Variants in TLE3 observed in about 807,000 individuals in gnomAD.
The protein encoded by TLE3 is transducin-like enhancer protein 3.
A neutral mutation model predicts 93.0 loss-of-function variants in TLE3; 14 were observed. The ratio of observed to expected loss-of-function variants is 0.15; its 90% confidence interval spans 0.10 to 0.24. The LOEUF is 0.24. TLE3 is among the 10% of genes least tolerant of loss of function. The pLI is 1.00. For missense variants in TLE3, 693 were observed against 1,046.6 expected (o/e 0.66, Z 4.66); for synonymous variants, 451 against 425.0 (o/e 1.06, Z -0.75).
chr15:70,066,167 C>A lies in TLE3; in HGVS notation c.424G>T (p.Val142Phe). Residue 142 changes from valine to phenylalanine, a missense_variant, in exon 7 of 20, where the codon GTC becomes TTC. Physicochemically the swap from Val to Phe is conservative, Grantham distance 50 (BLOSUM62 -1). Transcript: ENST00000451782. ...HLSHATHGPP[V>F]QLPPHPSGLQ... is the part of the protein sequence containing the mutation. ...CCTGACGGGTGGGGTGGCAACTGGA[C>A]CGGGGGGCCGTGTGTGGCATGGGAG... 5.2e-6 allele frequency: 8 copies of A among 1,543,652 alleles called. No individual in the cohort carries two copies. Among genetic ancestry groups the A allele is most frequent in the Non-Finnish European group, 7.0e-6 (8 of 1,146,712 alleles).
chr15:70,058,371 C>T lies in TLE3; in HGVS notation c.919-80G>A. On this transcript the variant is annotated intron_variant, in intron 11 of 19. Coordinates refer to ENST00000451782, the MANE Select transcript of TLE3 (RefSeq NM_001105192.3). The surrounding 1 kb of genome is among the most constrained non-coding windows in gnomAD (Gnocchi z 4.1). ...AGCCGGGCACAACTGGTGCCGGTCC[C>T]AACGTGAAGCCCAGAGCCAGACCCT... The T allele has an allele frequency of 6.6e-7, 1 of 1,523,804 alleles. No individual in the cohort carries two copies. The highest frequency in any genetic ancestry group is 8.8e-7 in the Non-Finnish European group (1 of 1,134,702). The allele number at this position is 1,523,804 out of a possible 1,614,324, so 94.4% of individuals were successfully genotyped here.
chr15:70,057,533 G>T lies in TLE3; in HGVS notation c.1177C>A (p.Pro393Thr). ...GCGGCGGCGGCGCTCATCTGGGGTG[G>T]GATGTTGTGGAGGCCGGCGTAGGCG... is the stretch of plus-strand genomic sequence containing the variant. The part of the protein sequence containing the change: ...PGAYAGLHNI[P>T]PQMSAAAAAA... Residue 393 changes from proline (P) to threonine (T), a missense_variant, in exon 13 of 20, where the codon CCA (proline) becomes ACA (threonine). This residue lies in a region of TLE3 where 405 missense variants were observed against 468.9 expected (regional missense o/e 0.86). Transcript: ENST00000451782. The T allele has an allele frequency of 6.2e-7, 1 of 1,607,042 alleles. No individual in the cohort carries two copies. The highest frequency in any genetic ancestry group is 8.5e-7 in the Non-Finnish European group (1 of 1,177,096).
Position 70,058,907 on chromosome 15 carries a change from C to T in TLE3, c.766-92G>A, listed in dbSNP as rs191392498. On this transcript the variant is annotated intron_variant, in intron 10 of 19. Transcript: ENST00000451782. The surrounding 1 kb of genome is among the most constrained non-coding windows in gnomAD (Gnocchi z 4.1). Reference sequence around the variant, plus strand: ...GGAGTGGGAAGAGAGAGGGCATGGGCGATGGGAAGACGAGCTTGGCTGAAA... The same window carrying T: ...GGAGTGGGAAGAGAGAGGGCATGGGTGATGGGAAGACGAGCTTGGCTGAAA... The T allele has an allele frequency of 6.9e-4, 981 of 1,425,414 alleles. 7 individuals carry two copies. In the African/African-American group the frequency reaches 0.012, roughly 18 times the overall value. The allele number at this position is 1,425,414 out of a possible 1,614,324, so 88.3% of individuals were successfully genotyped here. A position where few individuals can be genotyped will look rare whatever the true frequency, so the allele number is the denominator to read the frequency against.
chr15:70,064,856 A>G (rs2056715047), intron 7 of TLE3, among the ~76,000 whole-genome samples: 1 of 151,026 alleles, frequency 6.6e-6, no homozygotes, highest in South Asian at 2.1e-4. Context: ...GAGAAGGATC[A>G]TGCCATATAA....
chr15:70,083,637 T>C (rs986670119), intron 4 of TLE3, among the ~76,000 whole-genome samples: 1 of 142,770 alleles, frequency 7.0e-6, no homozygotes, highest in Admixed American at 7.1e-5. Context: ...AATTCATCCC[T>C]GTGGGGTTGC....
At chr15:70,075,996 G>A in intron 5 of TLE3, 100 bp downstream of exon 5, 1 of 1,128,836 alleles carries the variant, frequency 8.9e-7, no homozygotes, top group Non-Finnish European at 1.3e-6. Context: ...GACAGGGGCT[G>A]AGGCTGGGGC....
chr15:70,088,397 C>A (rs376845132), intron 4 of TLE3, among the ~76,000 whole-genome samples: 31 of 152,062 alleles, frequency 2.0e-4, no homozygotes, highest in African/African-American at 7.2e-4. Flanking sequence ...TTGAAGGGAA[C>A]AATTATTTTA....
Position 70,059,458 on chromosome 15 carries a change from G to A in TLE3, c.717C>T (p.Asp239=), listed in dbSNP as rs764644387. ...AEEKDSLSRY[D]SDGDKSDDLV... is the part of the protein sequence containing the mutation. ...GATCATCACTCTTGTCTCCATCACT[G>A]TCCTGCAACCAAGAGAGAAGCCAAC... Residue 239 remains aspartate, a splice_region_variant and synonymous_variant, in exon 10 of 20, where the codon GAC becomes GAT. Transcript: ENST00000451782. The A allele has an allele frequency of 6.2e-7, 1 of 1,608,680 alleles. No homozygotes were observed. Among genetic ancestry groups the A allele is most frequent in the Non-Finnish European group, 8.5e-7 (1 of 1,177,548 alleles).
chr15:70,068,023 C>T (rs1410260123), intron 6 of TLE3, among the ~76,000 whole-genome samples: 1 of 152,168 alleles, frequency 6.6e-6, no homozygotes, highest in East Asian at 1.9e-4. Flanking sequence ...AGATCCAACC[C>T]CTCCCAGCTA....
intron 4 of TLE3, among the ~76,000 whole-genome samples, chr15:70,091,345 A>T (rs1032544646): frequency 6.6e-6 from 1 of 152,264 alleles, no homozygotes; most frequent in African/African-American, 2.4e-5. Flanking sequence ...CAGTGCCTCA[A>T]ATCCAATGCA....
Position 70,057,638 on chromosome 15 carries a change from T to C in TLE3, c.1072A>G (p.Ile358Val). ...DPIASALRTP[I>V]SITSSYAAPF... The stretch of plus-strand genomic sequence containing the variant: ...GCCGCATAGGAGCTGGTGATGGAGA[T>C]GGGCGTGCGCAGAGCCGAGGCTGCG... Residue 358 changes from isoleucine (I) to valine (V), a missense_variant, in exon 13 of 20, where the codon ATC (isoleucine) becomes GTC (valine). Ile to Val is a conservative substitution (Grantham distance 29). Transcript: ENST00000451782. 1 of 1,580,814 alleles carries C rather than the reference T, an allele frequency of 6.3e-7. No individual in the cohort carries two copies. Among genetic ancestry groups the C allele is most frequent in the Non-Finnish European group, 8.6e-7 (1 of 1,167,840 alleles).
rs1212722513 is a variant in TLE3 at position 70,094,589 on chromosome 15, A to C, written c.190-13T>G. On this transcript the variant is annotated splice_polypyrimidine_tract_variant and intron_variant, in intron 3 of 19. Coordinates refer to ENST00000451782, the MANE Select transcript of TLE3 (RefSeq NM_001105192.3). ...ACATCTCATAGTACTAAAAGTAAAA[A>C]GAATGGCTATTAACAGACAACACAG... The C allele has an allele frequency of 6.5e-7, 1 of 1,541,920 alleles. No homozygotes were observed. Among genetic ancestry groups the C allele is most frequent in the East Asian group, 2.4e-5 (1 of 41,670 alleles).
Position 70,074,526 on chromosome 15 carries a change from C to T in TLE3, c.372+7G>A, listed in dbSNP as rs2057345132. Reference sequence around the variant, plus strand: ...ACGGTAAGAGGCAGATTGGGGAGTCCACGTACCCCGATGATGGCGTTCAGC... The same window carrying T: ...ACGGTAAGAGGCAGATTGGGGAGTCTACGTACCCCGATGATGGCGTTCAGC... On this transcript the variant is annotated splice_region_variant and intron_variant, in intron 6 of 19. Transcript: ENST00000451782. 1 of 1,610,666 alleles carries T rather than the reference C, an allele frequency of 6.2e-7. No homozygotes were observed. Among genetic ancestry groups the T allele is most frequent in the African/African-American group, 1.3e-5 (1 of 74,870 alleles).
At chr15:70,090,779 C>T (rs1017601373) in intron 4 of TLE3, among the ~76,000 whole-genome samples, 2 of 152,162 alleles carry the variant, frequency 1.3e-5, no homozygotes, top group African/African-American at 4.8e-5. Context: ...TATTATTACA[C>T]ACATCAAATC....
intron 8 of TLE3, among the ~76,000 whole-genome samples, chr15:70,061,844 C>G (rs2056494749): frequency 6.6e-6 from 1 of 152,166 alleles, no homozygotes; most frequent in Non-Finnish European, 1.5e-5. Flanking sequence ...AAGAAAAGGA[C>G]AGGCCATCCC....
At chr15:70,096,543 G>A in intron 1 of TLE3, 1 of 1,394,216 alleles carries the variant, frequency 7.2e-7, no homozygotes, top group Non-Finnish European at 9.8e-7. Context: ...AGCGGGGCCG[G>A]GGACCGCGTG....
At chr15:70,095,523 C>T (rs1446163230) in intron 3 of TLE3, 55 bp downstream of exon 3, 4 of 1,546,656 alleles carry the variant, frequency 2.6e-6, no homozygotes, top group Non-Finnish European at 2.6e-6. Context: ...CCACGCCGCG[C>T]CCCCGGCCGG....
At chr15:70,094,599 T>C in intron 3 of TLE3, 23 bp from the exon 4 acceptor site, 2 of 1,513,894 alleles carry the variant, frequency 1.3e-6, no homozygotes, top group Non-Finnish European at 1.8e-6. Context: ...AGAATGGCTA[T>C]TAACAGACAA....
chr15:70,094,351 T>TA (rs1327752267), intron 4 of TLE3, among the ~76,000 whole-genome samples, 181 bp downstream of exon 4: 2 of 150,042 alleles, frequency 1.3e-5, no homozygotes, highest in African/African-American at 2.5e-5. Flanking sequence ...TCAACATGTC[T>TA]AAAAAAAAAT....
Sources: gnomAD v4.1 joint callset for allele counts (sites outside exome capture counted in the v4.1 genomes callset) on GRCh38, gnomAD v4.1.1 for gene constraint, gnomAD v4.1.1 regional missense constraint, Gnocchi (gnomAD v3.1) non-coding constraint, MANE v1.5 for transcripts, NCBI Gene and HGNC (gene_info 2026-07-23, HGNC 2026-07-21) for gene names.